Variants in IGFBPL1 observed in about 807,000 individuals in gnomAD.
IGFBPL1 encodes the protein insulin like growth factor binding protein like 1, also known as insulin-like growth factor-binding protein-like 1.
A neutral mutation model predicts 23.9 loss-of-function variants in IGFBPL1; 20 were observed. That is an observed-to-expected ratio of 0.84 (90% CI 0.59 to 1.22). The LOEUF (loss-of-function observed/expected upper bound fraction) is 1.22, where lower values mean the gene tolerates loss of function less well. Among genes scored for constraint, IGFBPL1 ranks in the 50% most tolerant of loss-of-function variants. IGFBPL1 has a pLI of 0.00. For synonymous variants in IGFBPL1, 184 were observed against 171.8 expected (o/e 1.07, Z -0.56); for missense variants, 436 against 379.3 (o/e 1.15, Z -1.24).
chr9:38,423,908 C>A, intron 1 of IGFBPL1, 57 bp downstream of exon 1: 1 of 1,311,224 alleles, frequency 7.6e-7, no homozygotes, highest in South Asian at 2.1e-5. Flanking sequence ...TCGCTCCACA[C>A]CCCAGAGGGT....
chr9:38,412,791 A>C (rs1821532094), intron 3 of IGFBPL1, among the ~76,000 whole-genome samples: 1 of 152,098 alleles, frequency 6.6e-6, no homozygotes, highest in Non-Finnish European at 1.5e-5. Flanking sequence ...TTCCAACATC[A>C]TCAAAGCCAG....
At chr9:38,412,198 T>A (rs931785568) in intron 3 of IGFBPL1, among the ~76,000 whole-genome samples, 27 of 152,210 alleles carry the variant, frequency 1.8e-4, no homozygotes, top group African/African-American at 6.3e-4. Context: ...CAATTACAAA[T>A]CATCCTACCG....
chr9:38,419,796 C>A (rs1218733119), intron 1 of IGFBPL1, among the ~76,000 whole-genome samples: 1 of 152,124 alleles, frequency 6.6e-6, no homozygotes, highest in Non-Finnish European at 1.5e-5. Context: ...GTATCGAAGA[C>A]CCACGTATGA....
At chr9:38,422,418 T>G (rs986176187) in intron 1 of IGFBPL1, among the ~76,000 whole-genome samples, 1 of 152,212 alleles carries the variant, frequency 6.6e-6, no homozygotes, top group Non-Finnish European at 1.5e-5. Context: ...GTTAAAAGTG[T>G]TACCTGTCTG....
chr9:38,420,169 T>C (rs557042948), intron 1 of IGFBPL1, among the ~76,000 whole-genome samples: 4 of 152,174 alleles, frequency 2.6e-5, no homozygotes, highest in African/African-American at 9.6e-5. Flanking sequence ...GAATGAAGCT[T>C]CCCCCTTCGG....
In IGFBPL1 at chr9:38,408,124, C is replaced by T. The variant is rs1821455177; in HGVS notation, c.*1103G>A. On this transcript the variant is annotated 3_prime_UTR_variant, in exon 5 of 5. Transcript: ENST00000377694. ...CTTCTAACCACCTGTTTAGAGAATG[C>T]TAGGCTAGGCCAAGCACAGTGGCTG... Among the ~76,000 whole-genome samples the T allele has an allele frequency of 6.6e-6, 1 of 151,920 alleles. No homozygotes were observed. Among genetic ancestry groups the T allele is most frequent in the Non-Finnish European group, 1.5e-5 (1 of 67,988 alleles).
intron 1 of IGFBPL1, 82 bp downstream of exon 1, chr9:38,423,883 G>A: frequency 8.0e-7 from 1 of 1,248,606 alleles, no homozygotes; most frequent in Non-Finnish European, 1.0e-6. Flanking sequence ...GTCCACCACT[G>A]GGCAGGGGGA....
intron 1 of IGFBPL1, among the ~76,000 whole-genome samples, chr9:38,419,077 G>T (rs1414471541): frequency 1.3e-5 from 2 of 152,068 alleles, no homozygotes; most frequent in African/African-American, 4.8e-5. Flanking sequence ...TTATTATAGT[G>T]TGTGGTGATT....
chr9:38,411,521 C>T lies in IGFBPL1; in HGVS notation c.716G>A (p.Gly239Asp). Residue 239 changes from glycine to aspartate, a missense_variant, in exon 4 of 5, where the codon GGT (glycine) becomes GAT (aspartate). Coordinates refer to ENST00000377694, the MANE Select transcript of IGFBPL1 (RefSeq NM_001007563.3). The stretch of plus-strand genomic sequence containing the variant: ...GTTGGCTGCATGGCACTGGTACACA[C>T]CCTCATCCTCCTTTCGCAGGGGGTT... ...LINPLRKEDE[G>D]VYQCHAANMV... 6.2e-7 allele frequency: 1 copy of T among 1,614,124 alleles called. No homozygotes were observed.
At position 38,424,366 on chromosome 9, in the gene IGFBPL1, G is replaced by C; in HGVS notation, c.59C>G (p.Pro20Arg). ...GATCCCAAGGCTCGGGGACAGCGGC[G>C]GCAGCAGCGGCAGCAGCAGCAGAAG... ...LLLLLLLPLL[P>R]PLSPSLGIRD... The change falls in exon 1 of 5, where the codon CCG (proline) becomes CGG (arginine). Residue 20 changes from proline (P) to arginine (R), a missense_variant. Coordinates refer to ENST00000377694, the MANE Select transcript of IGFBPL1 (RefSeq NM_001007563.3). 3 of 683,698 alleles carry C rather than the reference G, an allele frequency of 4.4e-6. No homozygotes were observed. Among genetic ancestry groups the C allele is most frequent in the Non-Finnish European group, 7.3e-6 (3 of 411,160 alleles). 42.4% of individuals were successfully genotyped at this position (683,698 alleles called of 1,614,324 possible).
At chr9:38,419,888 CCTCCTT>C (rs370309193) in intron 1 of IGFBPL1, among the ~76,000 whole-genome samples, 129 of 78,532 alleles carry the variant, frequency 1.6e-3, no homozygotes, top group Middle Eastern at 6.3e-3. Context: ...TCCTCCTCCT[CCTCCTT>C]CTTCTTCTTC....
Position 38,411,419 on chromosome 9 carries a change from G to A in IGFBPL1, c.818C>T (p.Ala273Val). Residue 273 changes from alanine (A) to valine (V), a missense_variant, in exon 4 of 5, where the codon GCT becomes GTT. Ala to Val is a moderately conservative substitution (Grantham distance 64). Transcript: ENST00000377694. The part of the protein sequence containing the change: ...LSKYRSFHFP[A>V]PDDRM ...TCTCCATCACATGCGGTCATCGGGA[G>A]CTGGGAAGTGGAAGCTCCTGTATTT... is the stretch of plus-strand genomic sequence containing the variant. 9 of 1,610,648 alleles carry A rather than the reference G, an allele frequency of 5.6e-6. No homozygotes were observed. The highest frequency in any genetic ancestry group is 7.6e-6 in the Non-Finnish European group (9 of 1,179,788).
chr9:38,412,027 T>C (rs1401847344), intron 3 of IGFBPL1, among the ~76,000 whole-genome samples: 1 of 152,156 alleles, frequency 6.6e-6, no homozygotes, highest in Non-Finnish European at 1.5e-5. Flanking sequence ...GCCAATTGCA[T>C]TCCCAATCTC....
intron 1 of IGFBPL1, among the ~76,000 whole-genome samples, chr9:38,414,873 C>T (rs963891204): frequency 1.1e-3 from 160 of 152,284 alleles, no homozygotes; most frequent in African/African-American, 3.8e-3. Context: ...AGGGTATGGG[C>T]TCCCTGGACA....
chr9:38,424,281 C>T lies in IGFBPL1; in HGVS notation c.144G>A (p.Ala48=), dbSNP rs1258772431. The part of the protein sequence containing the change: ...CGPCRPEGCP[A]PAPCPAPGIS... The stretch of plus-strand genomic sequence containing the variant: ...TCCCGGGCGCCGGGCAGGGCGCAGG[C>T]GCCGGGCAGCCCTCTGGCCGGCACG... The change falls in exon 1 of 5, where the codon GCG becomes GCA. Residue 48 remains alanine, a synonymous_variant. Coordinates refer to ENST00000377694, the MANE Select transcript of IGFBPL1 (RefSeq NM_001007563.3). The T allele has an allele frequency of 5.7e-6, 7 of 1,238,764 alleles. No homozygotes were observed. The highest frequency in any genetic ancestry group is 1.6e-5 in the African/African-American group (1 of 63,246). 76.7% of individuals were successfully genotyped at this position (1,238,764 alleles called of 1,614,324 possible).
intron 4 of IGFBPL1, among the ~76,000 whole-genome samples, chr9:38,410,521 G>A (rs886543124): frequency 3.3e-5 from 5 of 151,860 alleles, no homozygotes; most frequent in Admixed American, 2.0e-4. Context: ...GTAAATGGGC[G>A]GGGCACACAT....
chr9:38,424,262 G>C lies in IGFBPL1; in HGVS notation c.163C>G (p.Pro55Ala), dbSNP rs1455362721. Residue 55 changes from proline to alanine, a missense_variant, in exon 1 of 5, where the codon CCC becomes GCC. Pro to Ala is a conservative substitution (Grantham distance 27). Transcript: ENST00000377694. Reference sequence around the variant, plus strand: ...CACTCGTCGAGCGCCGAGATCCCGGGCGCCGGGCAGGGCGCAGGCGCCGGG... The same window carrying C: ...CACTCGTCGAGCGCCGAGATCCCGGCCGCCGGGCAGGGCGCAGGCGCCGGG... ...GCPAPAPCPA[P>A]GISALDECGC... The C allele has an allele frequency of 1.6e-5, 20 of 1,226,662 alleles. No homozygotes were observed. Among genetic ancestry groups the C allele is most frequent in the Middle Eastern group, 3.2e-4 (1 of 3,110 alleles). The allele number at this position is 1,226,662 out of a possible 1,614,324, so 76.0% of individuals were successfully genotyped here. A position where few individuals can be genotyped will look rare whatever the true frequency, so the allele number is the denominator to read the frequency against.
In IGFBPL1 at chr9:38,423,996, C is replaced by A. The variant is rs1821720246; in HGVS notation, c.429G>T (p.Leu143=). Residue 143 remains leucine, a synonymous_variant, in exon 1 of 5, where the codon CTG becomes CTT. Coordinates refer to ENST00000377694, the MANE Select transcript of IGFBPL1 (RefSeq NM_001007563.3). ...RHTPRAHPGH[L]HKARDGPCEF... The stretch of plus-strand genomic sequence containing the variant: ...CGCAAGGGCCGTCGCGCGCCTTGTG[C>A]AGGTGACCGGGGTGCGCGCGGGGCG... 3 of 1,411,904 alleles carry A rather than the reference C, an allele frequency of 2.1e-6. No individual in the cohort carries two copies. The highest frequency in any genetic ancestry group is 2.7e-6 in the Non-Finnish European group (3 of 1,093,090). The allele number at this position is 1,411,904 out of a possible 1,614,324, so 87.5% of individuals were successfully genotyped here.
intron 1 of IGFBPL1, among the ~76,000 whole-genome samples, chr9:38,422,449 T>C (rs1291613627): frequency 1.3e-4 from 20 of 152,218 alleles, no homozygotes; most frequent in Non-Finnish European, 2.9e-5. Context: ...GAATTGCCTG[T>C]GAATTAACGG....
Sources: allele counts gnomAD v4.1 joint callset (sites outside exome capture counted in the v4.1 genomes callset), GRCh38; gene constraint gnomAD v4.1.1; transcripts MANE v1.5; gene names NCBI Gene and HGNC (gene_info 2026-07-23, HGNC 2026-07-21).